The following VAV3 variants were observed in gnomAD, a reference collection of about 807,000 sequenced individuals.
VAV3 encodes guanine nucleotide exchange factor VAV3.
VAV3 carries 94 observed loss-of-function variants against 131.2 expected under a neutral mutation model. That is an observed-to-expected ratio of 0.72 (90% CI 0.61 to 0.85). The LOEUF (loss-of-function observed/expected upper bound fraction) is 0.85, where lower values mean the gene tolerates loss of function less well. Ranked by LOEUF, VAV3 falls within the 40% of genes least tolerant of loss-of-function variation. The pLI is 0.00. For missense variants in VAV3, 939 were observed against 1,002.7 expected (o/e 0.94, Z 0.86); for synonymous variants, 349 against 342.0 (o/e 1.02, Z -0.22).
Position 107,749,025 on chromosome 1 carries a change from A to G in VAV3, c.1445T>C (p.Phe482Ser). Residue 482 changes from phenylalanine to serine, a missense_variant, in exon 15 of 27, where the codon TTT (phenylalanine) becomes TCT (serine). Phe to Ser is a radical substitution (Grantham distance 155, BLOSUM62 -2). Transcript: ENST00000370056. ...CTTTAAATCTTTTGTTTTGCAATAA[A>G]ATTCTAACCCATTTTGTCCTTGGGT... ...IHTQGQNGLE[F>S]YCKTKDLKKK... 2 of 1,612,640 alleles carry G rather than the reference A, an allele frequency of 1.2e-6. No individual in the cohort carries two copies. The highest frequency in any genetic ancestry group is 4.5e-5 in the East Asian group (2 of 44,758).
chr1:107,586,423 A>G (rs907701388), intron 25 of VAV3, among the ~76,000 whole-genome samples: 1 of 152,184 alleles, frequency 6.6e-6, no homozygotes, highest in African/African-American at 2.4e-5. Flanking sequence ...ACAGTAAATG[A>G]GGAAAGAAGT....
At chr1:107,887,900 T>C (rs1671113545) in intron 1 of VAV3, among the ~76,000 whole-genome samples, 1 of 151,910 alleles carries the variant, frequency 6.6e-6, no homozygotes, top group South Asian at 2.1e-4. Flanking sequence ...TTTGTGACAA[T>C]TAAGTAGGAA....
intron 2 of VAV3, among the ~76,000 whole-genome samples, chr1:107,869,858 A>C (rs1386072079): frequency 6.6e-6 from 1 of 152,148 alleles, no homozygotes; most frequent in Non-Finnish European, 1.5e-5. Context: ...TTGCATCCTC[A>C]TAGCTTAGCT....
intron 25 of VAV3, among the ~76,000 whole-genome samples, chr1:107,595,329 T>C (rs1651285790): frequency 6.6e-6 from 1 of 152,176 alleles, no homozygotes; most frequent in Non-Finnish European, 1.5e-5. Context: ...CCCAGAGCAT[T>C]ACCTGTTCCC....
intron 17 of VAV3, among the ~76,000 whole-genome samples, chr1:107,692,148 CTG>C (rs1290396502): frequency 6.6e-6 from 1 of 152,148 alleles, no homozygotes; most frequent in African/African-American, 2.4e-5. Context: ...AGTGCTATTT[CTG>C]TGAGACATTA....
chr1:107,854,908 G>C (rs561637990), intron 2 of VAV3, among the ~76,000 whole-genome samples: 2 of 152,282 alleles, frequency 1.3e-5, no homozygotes, highest in South Asian at 4.1e-4. Context: ...TCCCACAATG[G>C]TGTTCCTGCT....
At chr1:107,681,842 A>G (rs970631414) in intron 19 of VAV3, among the ~76,000 whole-genome samples, 1 of 151,804 alleles carries the variant, frequency 6.6e-6, no homozygotes, top group Non-Finnish European at 1.5e-5. Context: ...TTGTATTTTT[A>G]GTAGAGATGG....
chr1:107,783,551 T>A (rs1372091131), intron 2 of VAV3, among the ~76,000 whole-genome samples: 1 of 152,058 alleles, frequency 6.6e-6, no homozygotes, highest in African/African-American at 2.4e-5. Context: ...GCCTCCAGGA[T>A]GCTTCCAAGC....
At chr1:107,710,625 CTTCT>C (rs1660732743) in intron 15 of VAV3, among the ~76,000 whole-genome samples, 2 of 152,048 alleles carry the variant, frequency 1.3e-5, no homozygotes, top group African/African-American at 2.4e-5. Flanking sequence ...TTCTTGCATC[CTTCT>C]ATTAACCTCT....
intron 2 of VAV3, among the ~76,000 whole-genome samples, chr1:107,826,581 C>T (rs1353505542): frequency 6.6e-6 from 1 of 152,154 alleles, no homozygotes; most frequent in Non-Finnish European, 1.5e-5. Flanking sequence ...CTCTAGTGTA[C>T]TGCAGTTCAC....
intron 18 of VAV3, among the ~76,000 whole-genome samples, 183 bp downstream of exon 18, chr1:107,688,198 T>C (rs139973721): frequency 2.6e-5 from 4 of 152,324 alleles, no homozygotes; most frequent in African/African-American, 9.6e-5. Context: ...ACAGTGACAG[T>C]GAACATTCCT....
rs372215262 is a variant in VAV3, at chr1:107,812,731, T to C, written c.322-33239A>G. Among the ~76,000 whole-genome samples, 68 of 152,234 alleles carry C rather than the reference T, an allele frequency of 4.5e-4. 1 individual carries two copies. In the Middle Eastern group the frequency reaches 0.017, roughly 38 times the overall value. On this transcript the variant is annotated intron_variant, in intron 2 of 26. Transcript: ENST00000370056. The stretch of plus-strand genomic sequence containing the variant: ...CAAGAACCTATTAGGGGTCAAGCAC[T>C]AGGAATAGGATAAAAATAAGTCTAT...
Position 107,689,038 on chromosome 1 carries a change from C to G in VAV3, c.1706-632G>C, listed in dbSNP as rs186406539. Among the ~76,000 whole-genome samples, 885 of 152,158 alleles carry G rather than the reference C, an allele frequency of 5.8e-3. 5 individuals carry two copies. Among genetic ancestry groups the G allele is most frequent in the Non-Finnish European group, 9.6e-3 (651 of 68,010 alleles). On this transcript the variant is annotated intron_variant, in intron 17 of 26. Transcript: ENST00000370056. Reference sequence around the variant, plus strand: ...AACAATTCCTTCATTACATTTCAGGCCCTGCAAATGCCTAATGGTTATAAG... The same window carrying G: ...AACAATTCCTTCATTACATTTCAGGGCCTGCAAATGCCTAATGGTTATAAG...
intron 2 of VAV3, among the ~76,000 whole-genome samples, chr1:107,848,059 A>T (rs1372069977): frequency 6.6e-6 from 1 of 152,132 alleles, no homozygotes; most frequent in African/African-American, 2.4e-5. Context: ...CACGTCTGTA[A>T]TGCCAGCACT....
At chr1:107,630,278 T>C (rs947599350) in intron 20 of VAV3, among the ~76,000 whole-genome samples, 5 of 152,106 alleles carry the variant, frequency 3.3e-5, no homozygotes, top group Admixed American at 2.0e-4. Context: ...CACAGTCAGT[T>C]ACATAGTAGG....
chr1:107,934,626 AG>A (rs1673619831), intron 1 of VAV3, among the ~76,000 whole-genome samples: 1 of 152,256 alleles, frequency 6.6e-6, no homozygotes. Context: ...AAACACAGGT[AG>A]CTCTGTTAAA....
At chr1:107,669,046 A>C in intron 19 of VAV3, 1 of 1,057,382 alleles carries the variant, frequency 9.5e-7, no homozygotes, top group South Asian at 3.0e-5. Context: ...GAAAGTCAGG[A>C]GCTGCTAAGA....
At position 107,775,577 on chromosome 1, in the gene VAV3, C is replaced by CAAA. The variant is rs34775096; in HGVS notation, c.446+1651_446+1653dup. ...TGGGTGCCAGAGCAAGACTCAGTCA[C>CAAA]AAAAAAAAAAAAAAAAAAAAAAAAA... On this transcript the variant is annotated intron_variant, in intron 4 of 26. Coordinates refer to ENST00000370056, the MANE Select transcript of VAV3 (RefSeq NM_006113.5). 4.2e-3 allele frequency among the ~76,000 whole-genome samples: 236 copies of CAAA among 56,478 alleles called. 24 individuals carry two copies. The highest frequency in any genetic ancestry group is 7.1e-3 in the East Asian group (10 of 1,400). 37.1% of individuals were successfully genotyped at this position (56,478 alleles called of 152,430 possible).
rs532895954 is a variant in VAV3, at chr1:107,963,034, G to A, written c.204+1632C>T. Among the ~76,000 whole-genome samples the A allele has an allele frequency of 1.6e-4, 25 of 152,270 alleles. No individual in the cohort carries two copies. In the South Asian group the frequency reaches 5.2e-3, roughly 32 times the overall value. On this transcript the variant is annotated intron_variant, in intron 1 of 26. Transcript: ENST00000370056. ...AGATTAAATTACATCTAACATAAGA[G>A]GAGAAGAGTGAAACACATTCAAAAC...
Sources: allele counts gnomAD v4.1 joint callset (sites outside exome capture counted in the v4.1 genomes callset), GRCh38; gene constraint gnomAD v4.1.1; transcripts MANE v1.5; gene names NCBI Gene and HGNC (gene_info 2026-07-23, HGNC 2026-07-21).